The following NVL variants were observed in gnomAD, a reference collection of about 807,000 sequenced individuals.
The protein encoded by NVL is nuclear VCP like.
A neutral mutation model predicts 110.2 loss-of-function variants in NVL; 84 were observed. The ratio of observed to expected loss-of-function variants is 0.76; its 90% CI spans 0.64 to 0.91. The LOEUF (loss-of-function observed/expected upper bound fraction) is 0.91, where lower values mean the gene tolerates loss of function less well. NVL is among the 40% of genes least tolerant of loss of function. NVL has a pLI of 0.00. For synonymous variants in NVL, 354 were observed against 361.1 expected, an observed-to-expected ratio of 0.98 and a Z score of 0.22; for missense variants, 882 against 1,035.9, an observed-to-expected ratio of 0.85 and a Z score of 2.04.
chr1:224,326,398 C>T lies in NVL; in HGVS notation c.124G>A (p.Val42Met). ...GAAACTATATTTATTTACCTGTACA[C>T]TCTTTGTAAATCAGACGCTAAGACT... Reference protein sequence around the residue: ...IGVLASDLQRVYSIDYGRRKR... With the variant: ...IGVLASDLQRMYSIDYGRRKR... Residue 42 changes from valine to methionine, a missense_variant, in exon 2 of 23, where the codon GTG becomes ATG. Coordinates refer to ENST00000281701, the MANE Select transcript of NVL (RefSeq NM_002533.4). 1 of 1,609,586 alleles carries T rather than the reference C, an allele frequency of 6.2e-7. No individual in the cohort carries two copies. Among genetic ancestry groups the T allele is most frequent in the Non-Finnish European group, 8.5e-7 (1 of 1,176,732 alleles).
Position 224,272,766 on chromosome 1 carries a change from G to A in NVL, c.2082+2573C>T, listed in dbSNP as rs980594496. Among the ~76,000 whole-genome samples the A allele has an allele frequency of 2.2e-4, 34 of 151,710 alleles. 1 individual carries two copies. The highest frequency in any genetic ancestry group is 9.8e-4 in the Admixed American group (15 of 15,230). ...CAAAACACAACAGGCCGTGCGCGGT[G>A]GCTCATGCCTGTAATCCCAGCACTT... On this transcript the variant is annotated intron_variant, in intron 17 of 22. Coordinates refer to ENST00000281701, the MANE Select transcript of NVL (RefSeq NM_002533.4).
chr1:224,290,425 G>A (rs1315033605), intron 12 of NVL, among the ~76,000 whole-genome samples: 1 of 152,164 alleles, frequency 6.6e-6, no homozygotes, highest in Non-Finnish European at 1.5e-5. Context: ...GGGAGGCTGA[G>A]GCAGGCAAAT....
At chr1:224,289,376 C>A in intron 13 of NVL, 108 bp downstream of exon 13, 2 of 1,121,608 alleles carry the variant, frequency 1.8e-6, no homozygotes, top group Non-Finnish European at 2.5e-6. Context: ...AGATTAAATG[C>A]CAATAAAACA....
At chr1:224,264,404 C>T (rs1040683464) in intron 18 of NVL, among the ~76,000 whole-genome samples, 1 of 151,728 alleles carries the variant, frequency 6.6e-6, no homozygotes, top group African/African-American at 2.4e-5. Context: ...CCCACCACCA[C>T]GCCCAATTAA....
intron 17 of NVL, among the ~76,000 whole-genome samples, chr1:224,271,274 C>T (rs1558284126): frequency 6.6e-6 from 1 of 152,152 alleles, no homozygotes; most frequent in Non-Finnish European, 1.5e-5. Flanking sequence ...AGGAGGATCG[C>T]TTGAGGCCAG....
At chr1:224,315,131 T>C (rs769165777) in intron 4 of NVL, among the ~76,000 whole-genome samples, 15 of 151,994 alleles carry the variant, frequency 9.9e-5, no homozygotes, top group Non-Finnish European at 1.8e-4. Flanking sequence ...TTATAGCTCA[T>C]TGTAACCTTC....
intron 13 of NVL, among the ~76,000 whole-genome samples, chr1:224,288,484 TGGA>T (rs1016675810): frequency 6.6e-6 from 1 of 152,192 alleles, no homozygotes; most frequent in Non-Finnish European, 1.5e-5. Context: ...TCTTGCTTTG[TGGA>T]GAAGATGAAA....
At chr1:224,270,830 C>G (rs1665017370) in intron 17 of NVL, among the ~76,000 whole-genome samples, 1 of 152,060 alleles carries the variant, frequency 6.6e-6, no homozygotes, top group Non-Finnish European at 1.5e-5. Flanking sequence ...GCCAATAAAA[C>G]TGCCAAAAAA....
intron 9 of NVL, chr1:224,301,637 A>C (rs1386882616): frequency 1.2e-5 from 4 of 328,342 alleles, no homozygotes; most frequent in South Asian, 9.0e-5. Context: ...CCCCACCTCT[A>C]AAAAAATAAT....
At chr1:224,244,591 C>A (rs1365621304) in intron 19 of NVL, among the ~76,000 whole-genome samples, 1 of 151,512 alleles carries the variant, frequency 6.6e-6, no homozygotes, top group African/African-American at 2.4e-5. Context: ...TTTGCCTCAG[C>A]CTCCTGACTA....
At chr1:224,279,314 T>C (rs1666084511) in intron 16 of NVL, among the ~76,000 whole-genome samples, 1 of 152,150 alleles carries the variant, frequency 6.6e-6, no homozygotes, top group South Asian at 2.1e-4. Context: ...CACTCACGCA[T>C]GTAATCCTAG....
chr1:224,272,151 C>A (rs1426888838), intron 17 of NVL, among the ~76,000 whole-genome samples: 41 of 147,534 alleles, frequency 2.8e-4, no homozygotes, highest in Admixed American at 2.4e-3. Flanking sequence ...GCCTGGCCAA[C>A]ATGGTGAAAC....
intron 17 of NVL, among the ~76,000 whole-genome samples, chr1:224,270,073 C>A (rs1664928316): frequency 6.6e-6 from 1 of 150,480 alleles, no homozygotes; most frequent in African/African-American, 2.5e-5. Context: ...CCCAGCTTAC[C>A]CCACTGATTT....
intron 6 of NVL, among the ~76,000 whole-genome samples, chr1:224,306,990 G>C (rs1055246936): frequency 2.0e-5 from 3 of 151,908 alleles, no homozygotes; most frequent in Admixed American, 2.0e-4. Flanking sequence ...CAAAGGGCTT[G>C]GTTCTTAGAA....
chr1:224,235,769 A>G (rs1311730837), intron 20 of NVL, among the ~76,000 whole-genome samples: 1 of 151,942 alleles, frequency 6.6e-6, no homozygotes, highest in Non-Finnish European at 1.5e-5. Context: ...AAACTACAAA[A>G]ATTTTTTAAA....
rs531152829 is a variant in NVL, at chr1:224,243,239, C to T, written c.2290-6657G>A. ...CCTTGGGAGGCTGAGGTGGGTACAT[C>T]GCTTGAGCTCAGGAGTTCAAAACCA... On this transcript the variant is annotated intron_variant, in intron 19 of 22. Coordinates refer to ENST00000281701, the MANE Select transcript of NVL (RefSeq NM_002533.4). Among the ~76,000 whole-genome samples the T allele has an allele frequency of 6.3e-4, 96 of 151,426 alleles. 1 individual carries two copies. Among genetic ancestry groups the T allele is most frequent in the African/African-American group, 2.2e-3 (90 of 41,262 alleles).
chr1:224,317,636 A>C (rs962671735), intron 4 of NVL, 58 bp downstream of exon 4: 2 of 1,013,786 alleles, frequency 2.0e-6, no homozygotes, highest in African/African-American at 3.2e-5. Flanking sequence ...TTTTACAAGC[A>C]GGAATGTAAC....
At chr1:224,281,544 C>T (rs1372096094) in intron 15 of NVL, among the ~76,000 whole-genome samples, 1 of 151,596 alleles carries the variant, frequency 6.6e-6, no homozygotes, top group African/African-American at 2.4e-5. Context: ...TCGTGATCAG[C>T]CTGCCTCGGC....
At chr1:224,254,767 C>G (rs911481807) in intron 18 of NVL, among the ~76,000 whole-genome samples, 2 of 151,576 alleles carry the variant, frequency 1.3e-5, no homozygotes, top group Non-Finnish European at 2.9e-5. Context: ...GTTGAGACAA[C>G]TGACACAGGC....
Sources: allele counts gnomAD v4.1 joint callset (sites outside exome capture counted in the v4.1 genomes callset), GRCh38; gene constraint gnomAD v4.1.1; transcripts MANE v1.5; gene names NCBI Gene and HGNC (gene_info 2026-07-23, HGNC 2026-07-21).